Variants in DNA2 observed in about 807,000 individuals in gnomAD.
DNA2 encodes DNA replication helicase/nuclease 2.
Under a neutral mutation model 119.1 loss-of-function variants are expected in DNA2, and 101 were observed. The ratio of observed to expected loss-of-function variants is 0.85; its 90% confidence interval spans 0.72 to 1.00. DNA2 has a LOEUF of 1.00. Among genes scored for constraint, DNA2 ranks in the 50% least tolerant of loss-of-function variants. The pLI is 0.00. For synonymous variants in DNA2, 366 were observed against 424.4 expected (o/e 0.86, Z 1.69); for missense variants, 1,121 against 1,255.5 (o/e 0.89, Z 1.62).
intron 7 of DNA2, among the ~76,000 whole-genome samples, chr10:68,445,467 A>AAAAT (rs1226689498): frequency 3.9e-5 from 6 of 152,244 alleles, no homozygotes; most frequent in South Asian, 4.1e-4. Flanking sequence ...CGGTCTCAAA[A>AAAAT]AAATAAATAA....
intron 3 of DNA2, among the ~76,000 whole-genome samples, chr10:68,467,389 G>GT (rs1217610838): frequency 1.8e-4 from 27 of 151,442 alleles, no homozygotes; most frequent in African/African-American, 6.6e-4. Flanking sequence ...GATTACAGGC[G>GT]TAAGCCACTG....
chr10:68,452,837 G>A (rs527386468), intron 5 of DNA2, among the ~76,000 whole-genome samples: 6 of 138,644 alleles, frequency 4.3e-5, no homozygotes, highest in East Asian at 2.1e-4. Context: ...TCCTGCTTTC[G>A]CCTCCCAAAG....
At chr10:68,417,971 T>C (rs577010527) in intron 19 of DNA2, among the ~76,000 whole-genome samples, 92 of 152,174 alleles carry the variant, frequency 6.0e-4, no homozygotes, top group Admixed American at 7.9e-4. Flanking sequence ...AGAGATAGAA[T>C]GTAGAATGGT....
chr10:68,455,666 C>A (rs191945367), intron 5 of DNA2, among the ~76,000 whole-genome samples: 1 of 151,694 alleles, frequency 6.6e-6, no homozygotes, highest in South Asian at 2.1e-4. Context: ...ACTAAAAATA[C>A]AAAAATTAGC....
Position 68,444,962 on chromosome 10 carries a change from A to G in DNA2, c.1179T>C (p.Cys393=). 6.2e-7 allele frequency: 1 copy of G among 1,613,674 alleles called. No homozygotes were observed. ...AATTGCCAATTTGTGAACAATATTT[A>G]CAAGTTTTCTCTTCCTCAATTATTT... is the stretch of plus-strand genomic sequence containing the variant. ...LPQIIEEEKT[C]KYCSQIGNCA... Residue 393 remains cysteine, a synonymous_variant, in exon 8 of 21, where the codon TGT becomes TGC. Transcript: ENST00000358410.
intron 10 of DNA2, among the ~76,000 whole-genome samples, chr10:68,434,107 T>C (rs973767380): frequency 5.9e-5 from 9 of 151,912 alleles, no homozygotes; most frequent in Non-Finnish European, 1.3e-4. Flanking sequence ...AAACCCTGCG[T>C]CTACTAAAAA....
intron 5 of DNA2, among the ~76,000 whole-genome samples, chr10:68,453,945 G>A (rs2052152085): frequency 6.6e-6 from 1 of 152,134 alleles, no homozygotes; most frequent in African/African-American, 2.4e-5. Flanking sequence ...AAAAAAATGT[G>A]GGATTTGATT....
chr10:68,471,714 G>A lies in DNA2; in HGVS notation c.74+77C>T, dbSNP rs895092915. 5 of 1,464,918 alleles carry A rather than the reference G, an allele frequency of 3.4e-6. No homozygotes were observed. The African/African-American group carries it at 5.7e-5, about 17-fold the overall frequency. 90.7% of individuals were successfully genotyped at this position (1,464,918 alleles called of 1,614,324 possible). On this transcript the variant is annotated intron_variant, in intron 1 of 20. Coordinates refer to ENST00000358410, the MANE Select transcript of DNA2 (RefSeq NM_001080449.3). ...GCCCCGGGCCCGGTCAGTCTGAGGC[G>A]GTGCGGACGCAGCCTCTCCCGCTCC...
chr10:68,442,165 T>C (rs1590061370), intron 9 of DNA2, among the ~76,000 whole-genome samples: 1 of 152,072 alleles, frequency 6.6e-6, no homozygotes, highest in South Asian at 2.1e-4. Context: ...TCCACCTGCT[T>C]CGGCATCCCA....
intron 17 of DNA2, among the ~76,000 whole-genome samples, chr10:68,420,777 C>T (rs1392561053): frequency 2.6e-5 from 4 of 151,402 alleles, no homozygotes; most frequent in African/African-American, 7.3e-5. Flanking sequence ...AGACTCCATC[C>T]TAAAAAACAA....
At chr10:68,471,713 C>T in intron 1 of DNA2, 78 bp downstream of exon 1, 1 of 1,461,972 alleles carries the variant, frequency 6.8e-7, no homozygotes, top group Non-Finnish European at 9.1e-7. Context: ...CAGTCTGAGG[C>T]GGTGCGGACG....
chr10:68,426,110 T>C (rs1168041523), intron 14 of DNA2, among the ~76,000 whole-genome samples: 5 of 151,966 alleles, frequency 3.3e-5, no homozygotes, highest in African/African-American at 1.2e-4. Context: ...CACTCCAGCC[T>C]AGGTGACAGA....
At chr10:68,442,153 G>A (rs927710291) in intron 9 of DNA2, among the ~76,000 whole-genome samples, 1 of 151,666 alleles carries the variant, frequency 6.6e-6, no homozygotes, top group Non-Finnish European at 1.5e-5. Flanking sequence ...GAGCTGAAGT[G>A]ATCCACCTGC....
chr10:68,436,929 T>G, intron 10 of DNA2, 82 bp downstream of exon 10: 1 of 1,115,672 alleles, frequency 9.0e-7, no homozygotes, highest in Non-Finnish European at 1.3e-6. Context: ...ACCAGCGAAT[T>G]GTACATTTTA....
At chr10:68,425,098 T>TG (rs1211936696) in intron 14 of DNA2, 3 of 295,518 alleles carry the variant, frequency 1.0e-5, no homozygotes, top group African/African-American at 7.4e-5. Context: ...CTTTTTTTTT[T>TG]TTTTTTTTTT....
At chr10:68,469,390 C>CAAAAAAAAAAAAAA (rs71019005) in intron 2 of DNA2, among the ~76,000 whole-genome samples, 1 of 76,036 alleles carries the variant, frequency 1.3e-5, no homozygotes, top group Admixed American at 1.5e-4. Flanking sequence ...ACTAAAAATA[C>CAAAAAAAAAAAAAA]AAAAAAAAAA....
chr10:68,463,298 G>T (rs1054866286), intron 4 of DNA2, among the ~76,000 whole-genome samples: 6 of 151,938 alleles, frequency 3.9e-5, no homozygotes, highest in Non-Finnish European at 5.9e-5. Context: ...CAAAAATTCA[G>T]CCGGGCGTGG....
intron 1 of DNA2, chr10:68,470,548 AG>A (rs1368204987): frequency 1.1e-5 from 5 of 445,958 alleles, no homozygotes; most frequent in African/African-American, 1.0e-4. Context: ...CAGGAGTTTG[AG>A]GCTGCAGTGA....
At chr10:68,435,875 C>T (rs1027280002) in intron 10 of DNA2, among the ~76,000 whole-genome samples, 1 of 152,102 alleles carries the variant, frequency 6.6e-6, no homozygotes, top group South Asian at 2.1e-4. Flanking sequence ...ATAGTCAGTG[C>T]CCAGCATGCA....
Sources: gnomAD v4.1 joint callset for allele counts (sites outside exome capture counted in the v4.1 genomes callset) on GRCh38, gnomAD v4.1.1 for gene constraint, MANE v1.5 for transcripts, NCBI Gene and HGNC (gene_info 2026-07-23, HGNC 2026-07-21) for gene names.